CCND3: variants seen among roughly 807,000 people sequenced by gnomAD.
CCND3 encodes the protein G1/S-specific cyclin-D3.
A neutral mutation model predicts 28.7 loss-of-function variants in CCND3; 9 were observed. The observed-to-expected ratio is 0.31, with a 90% CI of 0.19 to 0.55. The LOEUF (loss-of-function observed/expected upper bound fraction) is 0.55. Ranked by LOEUF, CCND3 falls within the 20% of genes least tolerant of loss-of-function variation. The pLI is 0.93. For synonymous variants in CCND3, 164 were observed against 163.9 expected, an observed-to-expected ratio of 1.00 and a Z score of 0.00; for missense variants, 315 against 385.8, an observed-to-expected ratio of 0.82 and a Z score of 1.54.
At chr6:42,031,796 A>G (rs1317417069) in intron 1 of CCND3, among the ~76,000 whole-genome samples, 1 of 148,462 alleles carries the variant, frequency 6.7e-6, no homozygotes, top group Non-Finnish European at 1.5e-5. Context: ...GTTACCACAT[A>G]TATTTTGCAA....
At chr6:42,026,199 A>C (rs1189130666) in intron 1 of CCND3, among the ~76,000 whole-genome samples, 2 of 152,060 alleles carry the variant, frequency 1.3e-5, no homozygotes, top group African/African-American at 2.4e-5. Flanking sequence ...ATTACATTTG[A>C]CCTTCTCAAC....
At chr6:41,975,133 T>C (rs193248832) in intron 1 of CCND3, among the ~76,000 whole-genome samples, 4 of 152,264 alleles carry the variant, frequency 2.6e-5, no homozygotes, top group Admixed American at 1.3e-4. Flanking sequence ...GTAATTCATA[T>C]GGTACATTAT....
chr6:41,972,522 C>T (rs1762063444), intron 1 of CCND3, among the ~76,000 whole-genome samples: 1 of 152,096 alleles, frequency 6.6e-6, no homozygotes, highest in South Asian at 2.1e-4. Context: ...GGACACATAA[C>T]CAGGCTTCAC....
At chr6:41,977,014 C>T (rs928770108) in intron 1 of CCND3, among the ~76,000 whole-genome samples, 2 of 152,142 alleles carry the variant, frequency 1.3e-5, no homozygotes, top group African/African-American at 2.4e-5. Flanking sequence ...TGTGCTGATC[C>T]GCCTACATCT....
chr6:41,941,042 T>C lies in CCND3; in HGVS notation c.198+410A>G. On this transcript the variant is annotated intron_variant, in intron 1 of 4. Transcript: ENST00000372991. The surrounding 1 kb of genome is among the most constrained non-coding windows in gnomAD (Gnocchi z 6.1). ...CAGGGCGCGCGCCACCCCCATCGCC[T>C]TCCCCGCCAGAACCCCGCGAAAGAC... 6.2e-7 allele frequency: 1 copy of C among 1,601,530 alleles called. No individual in the cohort carries two copies. Among genetic ancestry groups the C allele is most frequent in the African/African-American group, 1.3e-5 (1 of 74,810 alleles).
At chr6:41,994,944 C>T (rs936710149) in intron 1 of CCND3, among the ~76,000 whole-genome samples, 4 of 151,782 alleles carry the variant, frequency 2.6e-5, no homozygotes, top group Admixed American at 6.6e-5. Context: ...TGGTGGCAGC[C>T]GCCTGTAATT....
upstream of CCND3, chr6:42,049,935 G>C (rs1764685345): frequency 6.6e-6 from 1 of 152,234 alleles, no homozygotes; most frequent in African/African-American, 2.4e-5. Context: ...AGACAAGTTT[G>C]GAAAACCCTG....
chr6:42,042,390 C>T (rs899505479), intron 1 of CCND3, among the ~76,000 whole-genome samples: 6 of 150,562 alleles, frequency 4.0e-5, no homozygotes, highest in African/African-American at 4.9e-5. Flanking sequence ...GACGGAGTTC[C>T]GTTCTTCTTG....
At chr6:41,973,389 A>T (rs1049845039) in intron 1 of CCND3, among the ~76,000 whole-genome samples, 2 of 152,240 alleles carry the variant, frequency 1.3e-5, no homozygotes, top group African/African-American at 4.8e-5. Flanking sequence ...ATAATAGTTT[A>T]AAAATGGAAA....
intron 1 of CCND3, among the ~76,000 whole-genome samples, chr6:42,000,234 C>CTTCTTTTT (rs1762952745): frequency 2.0e-5 from 1 of 51,012 alleles, no homozygotes; most frequent in Non-Finnish European, 3.2e-5. Context: ...TGAAAACATA[C>CTTCTTTTT]TTTTTTTTTT....
At chr6:42,043,529 T>C (rs1474406996) in intron 1 of CCND3, among the ~76,000 whole-genome samples, 1 of 152,084 alleles carries the variant, frequency 6.6e-6, no homozygotes, top group Non-Finnish European at 1.5e-5. Context: ...AGACTCCATT[T>C]CAACAAAATA....
intron 1 of CCND3, among the ~76,000 whole-genome samples, chr6:41,964,506 GTGTGTGTGAGTGTGTA>G (rs1285523653): frequency 9.2e-5 from 14 of 151,842 alleles, no homozygotes; most frequent in Non-Finnish European, 1.9e-4. Flanking sequence ...GTGAGTGTGT[GTGTGTGTGAGTGTGTA>G]TGTGTGTGCA....
intron 1 of CCND3, among the ~76,000 whole-genome samples, chr6:41,962,874 C>T (rs1761759333): frequency 6.6e-6 from 1 of 152,206 alleles, no homozygotes; most frequent in Non-Finnish European, 1.5e-5. Flanking sequence ...TCTCAGCCTC[C>T]CAAGTAGCTG....
Position 41,936,960 on chromosome 6 carries a change from A to G in CCND3, c.575-265T>C, listed in dbSNP as rs1775821361. 1.7e-6 allele frequency: 1 copy of G among 594,344 alleles called. No individual in the cohort carries two copies. Among genetic ancestry groups the G allele is most frequent in the East Asian group, 2.8e-5 (1 of 35,244 alleles). 36.8% of individuals were successfully genotyped at this position (594,344 alleles called of 1,614,324 possible). A position where few individuals can be genotyped will look rare whatever the true frequency, so the allele number is the denominator to read the frequency against. On this transcript the variant is annotated intron_variant, in intron 3 of 4. Coordinates refer to ENST00000372991, the MANE Select transcript of CCND3 (RefSeq NM_001760.5). This position sits in a 1 kb window ranked among gnomAD's most constrained non-coding sequence, Gnocchi z 4.4. ...CTAGTATGGGAACACAACTAGGGCC[A>G]AGAGACTGGGGTTCTGTTCCCAACC...
chr6:42,020,524 G>A (rs1019966875), intron 1 of CCND3, among the ~76,000 whole-genome samples: 8 of 152,270 alleles, frequency 5.3e-5, no homozygotes, highest in South Asian at 4.1e-4. Flanking sequence ...AGGGGCTGAA[G>A]CAAGAATCCC....
chr6:41,997,503 T>C (rs1356855093), intron 1 of CCND3, among the ~76,000 whole-genome samples: 1 of 152,122 alleles, frequency 6.6e-6, no homozygotes. Context: ...GGCTGGGTAA[T>C]GGGTAAATTA....
chr6:41,989,129 C>T (rs1762579018), intron 1 of CCND3, among the ~76,000 whole-genome samples: 1 of 147,758 alleles, frequency 6.8e-6, no homozygotes, highest in Non-Finnish European at 1.5e-5. Flanking sequence ...TTGTTATTCG[C>T]AATATGCAAA....
chr6:41,954,248 CT>C (rs1561959228), intron 1 of CCND3, among the ~76,000 whole-genome samples: 4 of 11,016 alleles, frequency 3.6e-4, no homozygotes, highest in Non-Finnish European at 7.9e-4. Flanking sequence ...AAGATTCTGC[CT>C]TAAAAAAAAA....
intron 1 of CCND3, among the ~76,000 whole-genome samples, chr6:42,015,456 A>G (rs1054613600): frequency 6.6e-6 from 1 of 152,184 alleles, no homozygotes; most frequent in Non-Finnish European, 1.5e-5. Context: ...CACGCCTGTA[A>G]TCCCAGCACT....
Sources: allele counts gnomAD v4.1 joint callset (sites outside exome capture counted in the v4.1 genomes callset), GRCh38; gene constraint gnomAD v4.1.1; non-coding constraint Gnocchi (gnomAD v3.1); transcripts MANE v1.5; gene names NCBI Gene and HGNC (gene_info 2026-07-23, HGNC 2026-07-21).